Variants in EN2 observed in about 807,000 individuals in gnomAD.
EN2 encodes homeobox protein engrailed-2.
EN2 carries 7 observed loss-of-function variants against 25.0 expected under a neutral mutation model. That is an observed-to-expected ratio of 0.28 (90% CI 0.16 to 0.53). The LOEUF (loss-of-function observed/expected upper bound fraction) is 0.53. Among genes scored for constraint, EN2 ranks in the 20% least tolerant of loss-of-function variants. The pLI, the probability that EN2 is intolerant of heterozygous loss-of-function variation, is 0.96. For synonymous variants in EN2, 277 were observed against 243.3 expected (o/e 1.14, Z -1.29); for missense variants, 524 against 501.8 (o/e 1.04, Z -0.42).
rs1315782973 is a variant in EN2 at position 155,458,749 on chromosome 7, G to T, written c.372G>T (p.Ser124=). ...GCGGCTCGGAGCAGCTCTTGGGCTC[G>T]GGCTCCCGAGAGCCCCGGCAGAACC... ...GAGGSEQLLG[S]GSREPRQNPP... The change falls in exon 1 of 2, where the codon TCG becomes TCT. Residue 124 remains serine (S), a synonymous_variant. Coordinates refer to ENST00000297375, the MANE Select transcript of EN2 (RefSeq NM_001427.4). 1.5e-6 allele frequency: 2 copies of T among 1,359,952 alleles called. No homozygotes were observed. The highest frequency in any genetic ancestry group is 3.1e-5 in the African/African-American group (2 of 64,886). The allele number at this position is 1,359,952 out of a possible 1,614,324, so 84.2% of individuals were successfully genotyped here.
rs1795739106 is a variant in EN2, at chr7:155,464,714, A to G, written c.*2027A>G. 2.0e-5 allele frequency: 3 copies of G among 152,576 alleles called. No homozygotes were observed. The highest frequency in any genetic ancestry group is 7.2e-5 in the African/African-American group (3 of 41,458). 9.5% of individuals were successfully genotyped at this position (152,576 alleles called of 1,614,324 possible). On this transcript the variant is annotated 3_prime_UTR_variant, in exon 2 of 2. Transcript: ENST00000297375. ...TTATAATCTTATGAGAAATGAATGAATGTTTCTATTTACAACTGTGCTTAT... is the reference window on the plus strand; with the variant it reads ...TTATAATCTTATGAGAAATGAATGAGTGTTTCTATTTACAACTGTGCTTAT...
chr7:155,458,839 G>A lies in EN2; in HGVS notation c.462G>A (p.Gly154=). The change falls in exon 1 of 2, where the codon GGG becomes GGA. Residue 154 remains glycine, a synonymous_variant. Transcript: ENST00000297375. ...PAAGSDSPGD[G]EGGSKTLSLH... is the part of the protein sequence containing the mutation. ...CCGGCAGCGACTCTCCGGGTGACGG[G>A]GAAGGCGGCTCCAAGACGCTCTCGC... 2 of 1,473,532 alleles carry A rather than the reference G, an allele frequency of 1.4e-6. No homozygotes were observed. The highest frequency in any genetic ancestry group is 1.8e-6 in the Non-Finnish European group (2 of 1,121,498). The allele number at this position is 1,473,532 out of a possible 1,614,324, so 91.3% of individuals were successfully genotyped here. A position where few individuals can be genotyped will look rare whatever the true frequency, so the allele number is the denominator to read the frequency against.
At position 155,464,272 on chromosome 7, in the gene EN2, A is replaced by G. The variant is rs886340171; in HGVS notation, c.*1585A>G. On this transcript the variant is annotated 3_prime_UTR_variant, in exon 2 of 2. Transcript: ENST00000297375. ...ATATAAACAAACACATTATCTATATATAACGCCACACTGTCTTCTGTTTAG... is the reference window on the plus strand; with the variant it reads ...ATATAAACAAACACATTATCTATATGTAACGCCACACTGTCTTCTGTTTAG... The G allele has an allele frequency of 2.6e-5, 4 of 152,308 alleles. No individual in the cohort carries two copies. The highest frequency in any genetic ancestry group is 5.9e-5 in the Non-Finnish European group (4 of 68,050). 9.4% of individuals were successfully genotyped at this position (152,308 alleles called of 1,614,324 possible).
chr7:155,458,948 C>G lies in EN2; in HGVS notation c.571C>G (p.Leu191Val), dbSNP rs541607705. The G allele has an allele frequency of 1.3e-6, 2 of 1,523,988 alleles. No homozygotes were observed. The highest frequency in any genetic ancestry group is 2.0e-5 in the Admixed American group (1 of 50,144). The allele number at this position is 1,523,988 out of a possible 1,614,324, so 94.4% of individuals were successfully genotyped here. The change falls in exon 1 of 2, where the codon CTG (leucine) becomes GTG (valine). Residue 191 changes from leucine to valine, a missense_variant. Physicochemically the swap from Leu to Val is conservative, Grantham distance 32. Coordinates refer to ENST00000297375, the MANE Select transcript of EN2 (RefSeq NM_001427.4). ...LKARGLGGGDLSVSSDSDSSQ... is the reference protein window; with the variant it reads ...LKARGLGGGDVSVSSDSDSSQ... The stretch of plus-strand genomic sequence containing the variant: ...GGCCCGCGGCTTGGGCGGCGGCGAC[C>G]TGTCGGTGAGCTCGGACTCGGACAG...
At chr7:155,462,009 C>G (rs1216269981) in intron 1 of EN2, among the ~76,000 whole-genome samples, 1 of 152,174 alleles carries the variant, frequency 6.6e-6, no homozygotes, top group Non-Finnish European at 1.5e-5. Context: ...TACCGCCATC[C>G]CTGTTCCTGA....
At chr7:155,461,451 C>T (rs896995006) in intron 1 of EN2, among the ~76,000 whole-genome samples, 1 of 152,194 alleles carries the variant, frequency 6.6e-6, no homozygotes, top group Non-Finnish European at 1.5e-5. Flanking sequence ...GCGACCCTGT[C>T]CAAAACCTGG....
At position 155,462,359 on chromosome 7, in the gene EN2, G is replaced by T. The variant is rs185085386; in HGVS notation, c.686-12G>T. On this transcript the variant is annotated splice_polypyrimidine_tract_variant and intron_variant, in intron 1 of 1. Transcript: ENST00000297375. ...GTAACCTGACTTCTCTCTGTCCACC[G>T]TATCTACCCAGGTCCCAGGTCTCGA... is the stretch of plus-strand genomic sequence containing the variant. The T allele has an allele frequency of 1.3e-6, 2 of 1,598,342 alleles. No individual in the cohort carries two copies. The highest frequency in any genetic ancestry group is 1.4e-5 in the African/African-American group (1 of 73,976).
chr7:155,459,086 C>G, intron 1 of EN2, 24 bp downstream of exon 1: 1 of 1,545,922 alleles, frequency 6.5e-7, no homozygotes, highest in Non-Finnish European at 8.6e-7. Flanking sequence ...GACCACGCGT[C>G]CCGGCTCGCC....
In EN2 at chr7:155,458,542, G is replaced by A; in HGVS notation, c.165G>A (p.Gln55=). ...RRALMLPAVL[Q]APGNHQHPHR... is the part of the protein sequence containing the mutation. ...CTCTGATGCTGCCCGCGGTCCTGCA[G>A]GCGCCCGGCAACCACCAGCACCCGC... Residue 55 remains glutamine (Q), a synonymous_variant, in exon 1 of 2, where the codon CAG becomes CAA. Transcript: ENST00000297375. 1.4e-6 allele frequency: 2 copies of A among 1,410,480 alleles called. No individual in the cohort carries two copies. Among genetic ancestry groups the A allele is most frequent in the Non-Finnish European group, 1.9e-6 (2 of 1,077,256 alleles). 87.4% of individuals were successfully genotyped at this position (1,410,480 alleles called of 1,614,324 possible). A position where few individuals can be genotyped will look rare whatever the true frequency, so the allele number is the denominator to read the frequency against.
intron 1 of EN2, among the ~76,000 whole-genome samples, chr7:155,461,149 C>T (rs1167214778): frequency 6.6e-6 from 1 of 152,180 alleles, no homozygotes; most frequent in East Asian, 1.9e-4. Flanking sequence ...CTCAGTGTGC[C>T]CGGCAGCTCT....
At position 155,458,707 on chromosome 7, in the gene EN2, G is replaced by A; in HGVS notation, c.330G>A (p.Glu110=). Residue 110 remains glutamate, a synonymous_variant, in exon 1 of 2, where the codon GAG becomes GAA. Transcript: ENST00000297375. ...GCGAAGGCGGCGCGAGCGGTGCGGA[G>A]GGAGGCGGCGGCGCGGGCGGCTCGG... ...AGGEGGASGA[E]GGGGAGGSEQ... 1.5e-6 allele frequency: 2 copies of A among 1,342,230 alleles called. No homozygotes were observed. Among genetic ancestry groups the A allele is most frequent in the Non-Finnish European group, 1.9e-6 (2 of 1,056,388 alleles). 83.1% of individuals were successfully genotyped at this position (1,342,230 alleles called of 1,614,324 possible). A position where few individuals can be genotyped will look rare whatever the true frequency, so the allele number is the denominator to read the frequency against.
rs1415807289 is a variant in EN2, at chr7:155,458,815, C to T, written c.438C>T (p.Ala146=). The change falls in exon 1 of 2, where the codon GCC becomes GCT. Residue 146 remains alanine, a synonymous_variant. Coordinates refer to ENST00000297375, the MANE Select transcript of EN2 (RefSeq NM_001427.4). ...APGAGGPLPA[A]GSDSPGDGEG... ...GCGCGGGCGGGCCGCTCCCAGCCGC[C>T]GGCAGCGACTCTCCGGGTGACGGGG... The T allele has an allele frequency of 5.6e-6, 8 of 1,416,156 alleles. No homozygotes were observed. The East Asian group carries it at 2.4e-4, about 42-fold the overall frequency. The allele number at this position is 1,416,156 out of a possible 1,614,324, so 87.7% of individuals were successfully genotyped here. A position where few individuals can be genotyped will look rare whatever the true frequency, so the allele number is the denominator to read the frequency against.
At chr7:155,459,711 C>G (rs563992212) in intron 1 of EN2, among the ~76,000 whole-genome samples, 2 of 152,382 alleles carry the variant, frequency 1.3e-5, no homozygotes, top group South Asian at 2.1e-4. Flanking sequence ...TTTGCCAGCG[C>G]CAGCCCGCAG....
chr7:155,462,750 A>C lies in EN2; in HGVS notation c.*63A>C. ...AACAATGCAATAATTTAAAATCATA[A>C]AGGGCCAGTGTATAAAGATTATACC... On this transcript the variant is annotated 3_prime_UTR_variant, in exon 2 of 2. Coordinates refer to ENST00000297375, the MANE Select transcript of EN2 (RefSeq NM_001427.4). 1 of 1,473,232 alleles carries C rather than the reference A, an allele frequency of 6.8e-7. No individual in the cohort carries two copies. The highest frequency in any genetic ancestry group is 9.1e-7 in the Non-Finnish European group (1 of 1,099,978). The allele number at this position is 1,473,232 out of a possible 1,614,324, so 91.3% of individuals were successfully genotyped here.
chr7:155,463,507 TCTTTC>T lies in EN2; in HGVS notation c.*823_*827del, dbSNP rs1201429485. The T allele has an allele frequency of 0.01, 1,553 of 153,036 alleles. 36 individuals are homozygous for T. The highest frequency in any genetic ancestry group is 0.036 in the African/African-American group (1,486 of 41,440). The allele number at this position is 153,036 out of a possible 1,614,324, so 9.5% of individuals were successfully genotyped here. On this transcript the variant is annotated 3_prime_UTR_variant, in exon 2 of 2. Transcript: ENST00000297375. Reference sequence around the variant, plus strand: ...CCTCCTTCCTTCCTCCTCCTCCTTCTCTTTCCTCCTCCTCCTCACCAAGGGCCCAA... The same window carrying T: ...CCTCCTTCCTTCCTCCTCCTCCTTCTCTCCTCCTCCTCACCAAGGGCCCAA...
Position 155,462,421 on chromosome 7 carries a change from C to G in EN2, c.736C>G (p.Arg246Gly). 2 of 1,613,860 alleles carry G rather than the reference C, an allele frequency of 1.2e-6. No individual in the cohort carries two copies. The highest frequency in any genetic ancestry group is 1.7e-6 in the Non-Finnish European group (2 of 1,180,000). ...KKKNPNKEDK[R>G]PRTAFTAEQL... ...GAAGAACCCGAACAAAGAGGACAAG[C>G]GGCCGCGCACGGCCTTTACCGCCGA... Residue 246 changes from arginine (R) to glycine (G), a missense_variant, in exon 2 of 2, where the codon CGG (arginine) becomes GGG (glycine). Coordinates refer to ENST00000297375, the MANE Select transcript of EN2 (RefSeq NM_001427.4).
At chr7:155,459,172 C>A (rs1795666832) in intron 1 of EN2, 110 bp downstream of exon 1, 4 of 1,170,468 alleles carry the variant, frequency 3.4e-6, no homozygotes, top group African/African-American at 1.6e-5. Context: ...GAACCTCCCC[C>A]GCGCACACGC....
chr7:155,459,511 A>T (rs999189045), intron 1 of EN2, among the ~76,000 whole-genome samples: 2 of 152,072 alleles, frequency 1.3e-5, no homozygotes, highest in South Asian at 4.1e-4. Flanking sequence ...CAGGCCGGGG[A>T]CGCATGCCCC....
Position 155,462,833 on chromosome 7 carries a change from T to C in EN2, c.*146T>C. The C allele has an allele frequency of 9.9e-7, 1 of 1,011,662 alleles. No individual in the cohort carries two copies. Among genetic ancestry groups the C allele is most frequent in the South Asian group, 2.3e-5 (1 of 43,422 alleles). 62.7% of individuals were successfully genotyped at this position (1,011,662 alleles called of 1,614,324 possible). A position where few individuals can be genotyped will look rare whatever the true frequency, so the allele number is the denominator to read the frequency against. ...AAGGTTCTGAAATATTCTATGTATA[T>C]ATCATTTACAGGTGGTATAAAATCC... On this transcript the variant is annotated 3_prime_UTR_variant, in exon 2 of 2. Coordinates refer to ENST00000297375, the MANE Select transcript of EN2 (RefSeq NM_001427.4).
Sources: gnomAD v4.1 joint callset for allele counts (sites outside exome capture counted in the v4.1 genomes callset) on GRCh38, gnomAD v4.1.1 for gene constraint, MANE v1.5 for transcripts, NCBI Gene and HGNC (gene_info 2026-07-23, HGNC 2026-07-21) for gene names.